The following ST3GAL6 variants were observed in gnomAD, a reference collection of about 807,000 sequenced individuals.
The protein encoded by ST3GAL6 is ST3 beta-galactoside alpha-2,3-sialyltransferase 6, also known as type 2 lactosamine alpha-2,3-sialyltransferase.
A neutral mutation model predicts 40.5 loss-of-function variants in ST3GAL6; 31 were observed. The ratio of observed to expected loss-of-function variants is 0.77; its 90% confidence interval spans 0.58 to 1.03. The LOEUF (loss-of-function observed/expected upper bound fraction) is 1.03, where lower values mean the gene tolerates loss of function less well. Among genes scored for constraint, ST3GAL6 ranks in the 50% least tolerant of loss-of-function variants. The pLI, the probability that ST3GAL6 is intolerant of heterozygous loss-of-function variation, is 0.00. For missense variants in ST3GAL6, 357 were observed against 393.2 expected, an observed-to-expected ratio of 0.91 and a Z score of 0.78; for synonymous variants, 129 against 136.9, an observed-to-expected ratio of 0.94 and a Z score of 0.40.
At chr3:98,790,063 G>A (rs1941063251) in intron 8 of ST3GAL6, among the ~76,000 whole-genome samples, 1 of 152,192 alleles carries the variant, frequency 6.6e-6, no homozygotes, top group Non-Finnish European at 1.5e-5. Flanking sequence ...CTTGAATTGG[G>A]TTGAAGAGAA....
At chr3:98,785,938 A>G (rs1940662419) in intron 6 of ST3GAL6, among the ~76,000 whole-genome samples, 3 of 152,160 alleles carry the variant, frequency 2.0e-5, no homozygotes, top group Non-Finnish European at 4.4e-5. Context: ...TTGTTGCCGT[A>G]TTAGATGTGA....
chr3:98,765,271 T>C (rs900330311), intron 1 of ST3GAL6, among the ~76,000 whole-genome samples: 1 of 152,248 alleles, frequency 6.6e-6, no homozygotes, highest in Admixed American at 6.5e-5. Flanking sequence ...TTGTGCTTTT[T>C]ATCTTGAGAG....
At chr3:98,741,301 G>A (rs1016537345) in intron 1 of ST3GAL6, among the ~76,000 whole-genome samples, 1 of 151,704 alleles carries the variant, frequency 6.6e-6, no homozygotes, top group Non-Finnish European at 1.5e-5. Context: ...ATGCTTTCTT[G>A]GACTCCTATG....
In ST3GAL6 at chr3:98,779,447, C is replaced by T. The variant is rs544694735; in HGVS notation, c.335+5464C>T. Among the ~76,000 whole-genome samples, 16 of 152,248 alleles carry T rather than the reference C, an allele frequency of 1.1e-4. 1 individual carries two copies. The South Asian group carries it at 3.1e-3, about 30-fold the overall frequency. On this transcript the variant is annotated intron_variant, in intron 5 of 9. Transcript: ENST00000483910. ...TGGTATGATTTGCCATAGATTGTTACACTGAAGGTAGAGTCATGTATTTTA... is the reference window on the plus strand; with the variant it reads ...TGGTATGATTTGCCATAGATTGTTATACTGAAGGTAGAGTCATGTATTTTA...
chr3:98,738,845 A>G (rs899659068), intron 1 of ST3GAL6, among the ~76,000 whole-genome samples: 12 of 152,170 alleles, frequency 7.9e-5, no homozygotes, highest in African/African-American at 2.9e-4. Context: ...AACTTGACAG[A>G]ATGTACCTAA....
At chr3:98,757,813 G>A (rs899131773) in intron 1 of ST3GAL6, among the ~76,000 whole-genome samples, 1 of 151,756 alleles carries the variant, frequency 6.6e-6, no homozygotes, top group Non-Finnish European at 1.5e-5. Flanking sequence ...TCACATAAGC[G>A]TTTAGTTAAT....
chr3:98,784,988 T>A lies in ST3GAL6; in HGVS notation c.379T>A (p.Leu127Met). Residue 127 changes from leucine (L) to methionine (M), a missense_variant, in exon 6 of 10, where the codon TTG (leucine) becomes ATG (methionine). By Grantham distance (15) the Leu-to-Met change is conservative. Transcript: ENST00000483910. ...KCVVVGNGGV[L>M]KNKTLGEKID... ...TGTGGTGGTTGGTAATGGAGGAGTT[T>A]TGAAGAATAAGACATTAGGAGAAAA... The A allele has an allele frequency of 6.2e-7, 1 of 1,613,342 alleles. No individual in the cohort carries two copies.
intron 9 of ST3GAL6, among the ~76,000 whole-genome samples, chr3:98,792,597 C>T (rs371560555): frequency 1.7e-4 from 25 of 151,346 alleles, no homozygotes; most frequent in East Asian, 1.2e-3. Context: ...ACCTGCACCC[C>T]GCAGGTTGAA....
In ST3GAL6 at chr3:98,741,070, G is replaced by T. The variant is rs1440659640; in HGVS notation, c.-12+8538G>T. On this transcript the variant is annotated intron_variant, in intron 1 of 9. Transcript: ENST00000265261. Reference sequence around the variant, plus strand: ...GGATTCAGTGTGTGTGTGTGTGTGTGTGTGTGTGTGTGTGCATGCATGTAT... The same window carrying T: ...GGATTCAGTGTGTGTGTGTGTGTGTTTGTGTGTGTGTGTGCATGCATGTAT... 2.0e-5 allele frequency among the ~76,000 whole-genome samples: 3 copies of T among 147,264 alleles called. No individual in the cohort carries two copies. The East Asian group carries it at 5.9e-4, about 29-fold the overall frequency.
At chr3:98,737,670 C>T (rs981554862) in intron 1 of ST3GAL6, among the ~76,000 whole-genome samples, 2 of 152,140 alleles carry the variant, frequency 1.3e-5, no homozygotes, top group Non-Finnish European at 1.5e-5. Context: ...ACATACTTAA[C>T]TAACATACAA....
At chr3:98,732,862 C>G (rs905648054) in intron 1 of ST3GAL6, 76 of 1,512,028 alleles carry the variant, frequency 5.0e-5, no homozygotes, top group Middle Eastern at 2.3e-4. Flanking sequence ...TTCTGCGGCC[C>G]GATGTGGCAG....
chr3:98,778,543 A>T (rs1346598168), intron 5 of ST3GAL6, among the ~76,000 whole-genome samples: 2 of 152,240 alleles, frequency 1.3e-5, no homozygotes, highest in South Asian at 4.1e-4. Context: ...TGTGGTGAAT[A>T]TGCAGAAGCA....
Position 98,739,690 on chromosome 3 carries a change from A to G in ST3GAL6, c.-12+7158A>G, listed in dbSNP as rs185138897. On this transcript the variant is annotated intron_variant, in intron 1 of 9. Transcript: ENST00000265261. ...GGAAGCAGATATAGGGAATGTGTAC[A>G]TTTTCTATGGTTAGCATAGGGCCAA... 1.7e-3 allele frequency among the ~76,000 whole-genome samples: 257 copies of G among 152,292 alleles called. 1 individual carries two copies. Among genetic ancestry groups the G allele is most frequent in the Non-Finnish European group, 2.4e-3 (163 of 68,010 alleles).
At chr3:98,744,403 A>C (rs1490374123) in intron 1 of ST3GAL6, among the ~76,000 whole-genome samples, 3 of 152,188 alleles carry the variant, frequency 2.0e-5, no homozygotes, top group East Asian at 1.9e-4. Flanking sequence ...AGATGGTCCA[A>C]CTGAGTAGTG....
chr3:98,789,619 T>C (rs566695477), intron 8 of ST3GAL6, among the ~76,000 whole-genome samples: 2 of 152,304 alleles, frequency 1.3e-5, no homozygotes, highest in East Asian at 3.9e-4. Flanking sequence ...ATTTGTCGGA[T>C]TTCTGTAGGA....
chr3:98,785,920 A>G (rs375234881), intron 6 of ST3GAL6, among the ~76,000 whole-genome samples: 3 of 152,160 alleles, frequency 2.0e-5, no homozygotes, highest in Non-Finnish European at 2.9e-5. Context: ...ACATAGAGTT[A>G]TCGGGATTTG....
At position 98,788,397 on chromosome 3, in the gene ST3GAL6, T is replaced by A. The variant is rs1940929262; in HGVS notation, c.690T>A (p.Asp230Glu). Reference protein sequence around the residue: ...IYKPYQIRILDPFIIRTAAYE... With the variant: ...IYKPYQIRILEPFIIRTAAYE... ...AACCTTATCAAATCCGAATATTAGATCCTTTCATTATCAGAACAGCAGCTT... is the reference window on the plus strand; with the variant it reads ...AACCTTATCAAATCCGAATATTAGAACCTTTCATTATCAGAACAGCAGCTT... The change falls in exon 8 of 10, where the codon GAT becomes GAA. Residue 230 changes from aspartate (D) to glutamate (E), a missense_variant. Transcript: ENST00000483910. 6.2e-7 allele frequency: 1 copy of A among 1,613,070 alleles called. No homozygotes were observed. The highest frequency in any genetic ancestry group is 8.5e-7 in the Non-Finnish European group (1 of 1,179,722).
chr3:98,784,464 G>C, intron 5 of ST3GAL6: 1 of 156,402 alleles, frequency 6.4e-6, no homozygotes, highest in South Asian at 1.9e-4. Context: ...GAGAGCCAGA[G>C]GTAGAATCTT....
chr3:98,788,345 A>G lies in ST3GAL6; in HGVS notation c.638A>G (p.Lys213Arg). 6.2e-7 allele frequency: 1 copy of G among 1,609,856 alleles called. No individual in the cohort carries two copies. The highest frequency in any genetic ancestry group is 8.5e-7 in the Non-Finnish European group (1 of 1,178,748). ...TTTCAGAACACTAATGGTTTTTGGA[A>G]GAAACCAGCCTTAAACCTGATTTAT... ...GDKINTNGFW[K>R]KPALNLIYKP... Residue 213 changes from lysine (K) to arginine (R), a missense_variant, in exon 8 of 10, where the codon AAG becomes AGG. Lys to Arg is a conservative substitution (Grantham distance 26). Coordinates refer to ENST00000483910, the MANE Select transcript of ST3GAL6 (RefSeq NM_001323368.2).
Sources: allele counts gnomAD v4.1 joint callset (sites outside exome capture counted in the v4.1 genomes callset), GRCh38; gene constraint gnomAD v4.1.1; transcripts MANE v1.5; gene names NCBI Gene and HGNC (gene_info 2026-07-23, HGNC 2026-07-21).